SCRG1: variants seen among roughly 807,000 people sequenced by gnomAD.
SCRG1 encodes the protein stimulator of chondrogenesis 1.
In SCRG1, 3 loss-of-function variants were observed where a neutral mutation model predicts 7.7. That is an observed-to-expected ratio of 0.39 (90% CI 0.18 to 1.01). The LOEUF is 1.01. SCRG1 is among the 50% of genes least tolerant of loss of function. The pLI, the probability that SCRG1 is intolerant of heterozygous loss-of-function variation, is 0.36. For synonymous variants in SCRG1, 46 were observed against 41.2 expected, an observed-to-expected ratio of 1.12 and a Z score of -0.44; for missense variants, 110 against 117.2, an observed-to-expected ratio of 0.94 and a Z score of 0.28.
the SCRG1 span, among the ~76,000 whole-genome samples, chr4:173,514,776 G>T: frequency 0.69 from 104,344 of 152,116 alleles, 36,546 homozygotes; most frequent in East Asian, 0.78. Context: ...TTTTGTTTAT[G>T]TCTCCTGCAG....
At chr4:173,506,591 A>G in the SCRG1 span, among the ~76,000 whole-genome samples, 1 of 152,240 alleles carries the variant, frequency 6.6e-6, no homozygotes, top group African/African-American at 2.4e-5. The surrounding 1 kb of genome is among the most constrained non-coding windows in gnomAD (Gnocchi z 5.3). Flanking sequence ...CATTAAAATC[A>G]GTTCCTTCCC....
chr4:173,466,623 C>G, the SCRG1 span, among the ~76,000 whole-genome samples: 1 of 152,060 alleles, frequency 6.6e-6, no homozygotes, highest in Non-Finnish European at 1.5e-5. Context: ...AAATATCTGA[C>G]AAAAACTTAA....
At chr4:173,411,074 A>G (rs1740024229), upstream of SCRG1, among the ~76,000 whole-genome samples, 1 of 152,170 alleles carries the variant, frequency 6.6e-6, no homozygotes, top group South Asian at 2.1e-4. Context: ...TCCATCTATC[A>G]TTATTAGCCT....
chr4:173,488,086 T>A, the SCRG1 span, among the ~76,000 whole-genome samples: 435 of 148,704 alleles, frequency 2.9e-3, 2 homozygotes, highest in African/African-American at 0.01. Flanking sequence ...GGCTATAGAG[T>A]GAGACTCTGT....
At chr4:173,442,785 C>A in the SCRG1 span, among the ~76,000 whole-genome samples, 2 of 152,228 alleles carry the variant, frequency 1.3e-5, no homozygotes, top group Admixed American at 1.3e-4. Flanking sequence ...GAAATGGGGT[C>A]TGAACTTTAT....
chr4:173,512,718 A>T, the SCRG1 span, among the ~76,000 whole-genome samples: 1 of 152,166 alleles, frequency 6.6e-6, no homozygotes, highest in Admixed American at 6.5e-5. Context: ...TTCCTACAAG[A>T]TGTGTCCTTT....
chr4:173,504,385 C>A, the SCRG1 span, among the ~76,000 whole-genome samples: 1 of 152,176 alleles, frequency 6.6e-6, no homozygotes, highest in Admixed American at 6.5e-5. The surrounding 1 kb of genome is among the most constrained non-coding windows in gnomAD (Gnocchi z 4.7). Flanking sequence ...CCTACCCCAA[C>A]TCGTCACCAC....
At chr4:173,498,200 G>C in the SCRG1 span, among the ~76,000 whole-genome samples, 3 of 152,200 alleles carry the variant, frequency 2.0e-5, no homozygotes, top group Non-Finnish European at 4.4e-5. Flanking sequence ...CAGACTTGCT[G>C]CTGTACTTCT....
chr4:173,484,924 T>TCA, the SCRG1 span, among the ~76,000 whole-genome samples: 2 of 1,758 alleles, frequency 1.1e-3, no homozygotes, highest in Non-Finnish European at 3.6e-3. Flanking sequence ...ATTTTAGATA[T>TCA]TATATATTAT....
the SCRG1 span, among the ~76,000 whole-genome samples, chr4:173,485,724 C>G: frequency 1.3e-5 from 2 of 152,088 alleles, no homozygotes; most frequent in African/African-American, 2.4e-5. Flanking sequence ...AATCCCAGCA[C>G]TTTTGGAGGC....
chr4:173,471,529 A>G, the SCRG1 span, among the ~76,000 whole-genome samples: 2 of 152,114 alleles, frequency 1.3e-5, no homozygotes, highest in African/African-American at 4.8e-5. Flanking sequence ...TTATACTCCA[A>G]TGAGTATTTA....
the SCRG1 span, among the ~76,000 whole-genome samples, chr4:173,483,948 A>G: frequency 6.5e-4 from 55 of 85,160 alleles, 1 homozygote; most frequent in African/African-American, 2.3e-3. Flanking sequence ...TATAAATCAT[A>G]TATAATATAT....
chr4:173,485,090 ATATAT>A, the SCRG1 span, among the ~76,000 whole-genome samples: 55 of 38,558 alleles, frequency 1.4e-3, 12 homozygotes, highest in African/African-American at 7.3e-3. Context: ...ATAATATATT[ATATAT>A]TATATATTAT....
chr4:173,471,301 C>T, the SCRG1 span, among the ~76,000 whole-genome samples: 1 of 152,122 alleles, frequency 6.6e-6, no homozygotes, highest in African/African-American at 2.4e-5. Context: ...AGAACCAAAA[C>T]CTTCTGGAAT....
the SCRG1 span, among the ~76,000 whole-genome samples, chr4:173,484,145 TATAG>T: frequency 7.2e-3 from 586 of 81,372 alleles, 12 homozygotes; most frequent in African/African-American, 0.026. Flanking sequence ...TAATATAGAA[TATAG>T]AATATTTTCT....
the SCRG1 span, among the ~76,000 whole-genome samples, chr4:173,473,279 T>C: frequency 6.6e-6 from 1 of 152,166 alleles, no homozygotes. Flanking sequence ...GCCAAATAAA[T>C]AAATTAGGAG....
chr4:173,493,572 C>T, the SCRG1 span, among the ~76,000 whole-genome samples: 62 of 149,486 alleles, frequency 4.1e-4, no homozygotes, highest in South Asian at 0.012. Flanking sequence ...GAGCCAAGAT[C>T]GCGCCACTGT....
At chr4:173,464,035 G>A in the SCRG1 span, among the ~76,000 whole-genome samples, 1 of 152,174 alleles carries the variant, frequency 6.6e-6, no homozygotes, top group Non-Finnish European at 1.5e-5. Context: ...CTGTGGTCAA[G>A]TAAGTTGACC....
chr4:173,438,869 G>A, the SCRG1 span, among the ~76,000 whole-genome samples: 4,602 of 151,852 alleles, frequency 0.03, 199 homozygotes, highest in African/African-American at 0.097. Flanking sequence ...AATAATTATC[G>A]TAGATAATAA....
Sources: allele counts gnomAD v4.1 joint callset (sites outside exome capture counted in the v4.1 genomes callset), GRCh38; gene constraint gnomAD v4.1.1; non-coding constraint Gnocchi (gnomAD v3.1); transcripts MANE v1.5; gene names NCBI Gene and HGNC (gene_info 2026-07-23, HGNC 2026-07-21).